HECW1: variants seen among roughly 807,000 people sequenced by gnomAD.
HECW1 encodes E3 ubiquitin-protein ligase HECW1.
A neutral mutation model predicts 182.3 loss-of-function variants in HECW1; 61 were observed. That is an observed-to-expected ratio of 0.33 (90% CI 0.27 to 0.41). The LOEUF (loss-of-function observed/expected upper bound fraction) is 0.41. Ranked by LOEUF, HECW1 falls within the 10% of genes least tolerant of loss-of-function variation. The pLI is 1.00. For synonymous variants in HECW1, 859 were observed against 832.6 expected, an observed-to-expected ratio of 1.03 and a Z score of -0.55; for missense variants, 1,739 against 2,108.9, an observed-to-expected ratio of 0.82 and a Z score of 3.44.
intron 19 of HECW1, among the ~76,000 whole-genome samples, chr7:43,493,697 A>C (rs1450502234): frequency 6.6e-6 from 1 of 152,246 alleles, no homozygotes; most frequent in Non-Finnish European, 1.5e-5. Context: ...AATGATAAAA[A>C]GAGAAAATAT....
At chr7:43,277,086 C>G (rs10237187) in intron 3 of HECW1, among the ~76,000 whole-genome samples, 13,617 of 152,194 alleles carry the variant, frequency 0.089, 1,834 homozygotes, top group African/African-American at 0.29. Flanking sequence ...CCTCTTCTTT[C>G]TCTATCTAAT....
chr7:43,244,659 A>G (rs765530785), intron 3 of HECW1, among the ~76,000 whole-genome samples: 2 of 152,150 alleles, frequency 1.3e-5, no homozygotes, highest in African/African-American at 2.4e-5. Context: ...GCTGCTCTGA[A>G]GTCTCCCAGT....
intron 3 of HECW1, among the ~76,000 whole-genome samples, chr7:43,295,953 A>G (rs1482456196): frequency 6.6e-6 from 1 of 152,220 alleles, no homozygotes; most frequent in African/African-American, 2.4e-5. Context: ...TGACTTAGAT[A>G]TTTTCATTGG....
intron 3 of HECW1, among the ~76,000 whole-genome samples, chr7:43,266,156 A>G (rs1801767969): frequency 6.6e-6 from 1 of 152,104 alleles, no homozygotes; most frequent in African/African-American, 2.4e-5. Context: ...GGGGCGGGCT[A>G]AAAATTTCCA....
intron 2 of HECW1, among the ~76,000 whole-genome samples, chr7:43,220,401 A>G (rs1404047247): frequency 6.6e-6 from 1 of 152,284 alleles, no homozygotes; most frequent in East Asian, 1.9e-4. Context: ...ATATGAAGGC[A>G]CAGTTGACTG....
At chr7:43,420,208 GA>G (rs1158246119) in intron 8 of HECW1, among the ~76,000 whole-genome samples, 1 of 152,136 alleles carries the variant, frequency 6.6e-6, no homozygotes, top group African/African-American at 2.4e-5. Flanking sequence ...ACAGGTCTTT[GA>G]ATAAATTTTG....
intron 19 of HECW1, among the ~76,000 whole-genome samples, chr7:43,498,415 C>T (rs1306024719): frequency 6.6e-6 from 1 of 152,130 alleles, no homozygotes; most frequent in African/African-American, 2.4e-5. Flanking sequence ...CCCAAGGGTA[C>T]ATTATCATTG....
intron 2 of HECW1, among the ~76,000 whole-genome samples, chr7:43,229,413 G>C (rs1015653294): frequency 1.6e-4 from 25 of 151,598 alleles, no homozygotes; most frequent in African/African-American, 5.9e-4. Context: ...TTATAAGTGG[G>C]AGCTAAATGA....
chr7:43,513,254 A>C (rs548594258), intron 24 of HECW1, among the ~76,000 whole-genome samples: 1 of 152,148 alleles, frequency 6.6e-6, no homozygotes, highest in Non-Finnish European at 1.5e-5. Flanking sequence ...GTCAGTGATA[A>C]ATGCACATGT....
intron 3 of HECW1, among the ~76,000 whole-genome samples, chr7:43,264,792 C>T (rs184776860): frequency 6.8e-6 from 1 of 148,116 alleles, no homozygotes. Flanking sequence ...TGCAGTGAGC[C>T]GAGATCGCAC....
At chr7:43,357,551 A>C (rs1198751602) in intron 5 of HECW1, among the ~76,000 whole-genome samples, 1 of 152,210 alleles carries the variant, frequency 6.6e-6, no homozygotes, top group Non-Finnish European at 1.5e-5. Context: ...GGTGGTTACC[A>C]GAGACCAAGA....
intron 6 of HECW1, among the ~76,000 whole-genome samples, chr7:43,383,149 A>G (rs1228044427): frequency 6.6e-6 from 1 of 152,190 alleles, no homozygotes; most frequent in African/African-American, 2.4e-5. Flanking sequence ...TCCATGGTGT[A>G]TGTGTGCCAC....
intron 2 of HECW1, among the ~76,000 whole-genome samples, chr7:43,201,945 G>GT (rs1562667856): frequency 6.6e-6 from 1 of 152,198 alleles, no homozygotes. Flanking sequence ...TAGAATCAAA[G>GT]TCCATTTTAT....
intron 3 of HECW1, among the ~76,000 whole-genome samples, chr7:43,250,009 G>C (rs975696765): frequency 2.0e-5 from 3 of 152,074 alleles, no homozygotes; most frequent in African/African-American, 4.8e-5. Context: ...GCAGGTTCTT[G>C]CTTTACACGA....
In HECW1 at chr7:43,445,030, C is replaced by A. The variant is rs1375648508; in HGVS notation, c.1858C>A (p.Pro620Thr). 1 of 1,565,172 alleles carries A rather than the reference C, an allele frequency of 6.4e-7. No homozygotes were observed. Among genetic ancestry groups the A allele is most frequent in the Non-Finnish European group, 8.7e-7 (1 of 1,154,958 alleles). ...TGCCCTGGAAGAGGACAGAGAAGAG[C>A]CCGAGGGGGCTACTCCAGGCACGGC... ...PSALEEDREE[P>T]EGATPGTAHP... The change falls in exon 11 of 30, where the codon CCC (proline) becomes ACC (threonine). Residue 620 changes from proline (P) to threonine (T), a missense_variant. This residue lies in a region of HECW1 where 971 missense variants were observed against 1,029.1 expected (regional missense o/e 0.94). Transcript: ENST00000395891.
chr7:43,505,912 A>G (rs530283018), intron 21 of HECW1, among the ~76,000 whole-genome samples: 1 of 152,212 alleles, frequency 6.6e-6, no homozygotes, highest in Non-Finnish European at 1.5e-5. Flanking sequence ...TCTAAATTGT[A>G]AGCTTAGTAC....
chr7:43,204,073 A>G (rs1041791749), intron 2 of HECW1, among the ~76,000 whole-genome samples: 2 of 152,230 alleles, frequency 1.3e-5, no homozygotes, highest in African/African-American at 2.4e-5. Context: ...CAAGACATCA[A>G]TAATTCTTGA....
intron 6 of HECW1, among the ~76,000 whole-genome samples, chr7:43,362,151 AAGAGAG>A (rs1225225550): frequency 6.9e-6 from 1 of 144,396 alleles, no homozygotes; most frequent in African/African-American, 2.7e-5. Context: ...AAAAAAAAAA[AAGAGAG>A]AGAGAGAAAG....
chr7:43,122,927 A>G (rs181024221), intron 2 of HECW1, among the ~76,000 whole-genome samples: 1 of 152,312 alleles, frequency 6.6e-6, no homozygotes, highest in African/African-American at 2.4e-5. Context: ...TATTCCGAAA[A>G]CATTTCTTGA....
Sources: allele counts gnomAD v4.1 joint callset (sites outside exome capture counted in the v4.1 genomes callset), GRCh38; gene constraint gnomAD v4.1.1; regional missense constraint gnomAD v4.1.1; transcripts MANE v1.5; gene names NCBI Gene and HGNC (gene_info 2026-07-23, HGNC 2026-07-21).